RNF207: variants seen among roughly 807,000 people sequenced by gnomAD.
The protein encoded by RNF207 is ring finger protein 207, also known as OTTHUMG00000001089.
RNF207 carries 72 observed loss-of-function variants against 79.0 expected under a neutral mutation model. That is an observed-to-expected ratio of 0.91 (90% CI 0.75 to 1.11). RNF207 has a LOEUF of 1.11. RNF207 is among the 50% of genes least tolerant of loss of function. The pLI, the probability that RNF207 is intolerant of heterozygous loss-of-function variation, is 0.00. For missense variants in RNF207, 936 were observed against 855.8 expected (o/e 1.09, Z -1.17); for synonymous variants, 348 against 366.2 (o/e 0.95, Z 0.57).
intron 14 of RNF207, 94 bp from the exon 15 acceptor site, chr1:6,212,588 G>T: frequency 7.7e-7 from 1 of 1,302,050 alleles, no homozygotes; most frequent in South Asian, 1.2e-5. Flanking sequence ...CCTGGCTGGG[G>T]GGTGCTTTGT....
At chr1:6,213,513 C>T (rs927575770) in intron 16 of RNF207, among the ~76,000 whole-genome samples, 20 of 151,590 alleles carry the variant, frequency 1.3e-4, no homozygotes, top group Non-Finnish European at 2.9e-5. Flanking sequence ...GTGCCACACC[C>T]ACAGGACCCT....
Position 6,208,941 on chromosome 1 carries a change from G to T in RNF207, c.385G>T (p.Asp129Tyr). The change falls in exon 4 of 18, where the codon GAC becomes TAC. Residue 129 changes from aspartate to tyrosine, a missense_variant. Transcript: ENST00000377939. ...CGQPLCARCRDETHRARMFAR... is the reference protein window; with the variant it reads ...CGQPLCARCRYETHRARMFAR... ...ACAGCCCCTATGCGCGCGCTGCCGC[G>T]ACGAGACGCACCGAGCACGCATGTT... 1 of 1,535,084 alleles carries T rather than the reference G, an allele frequency of 6.5e-7. No individual in the cohort carries two copies. The highest frequency in any genetic ancestry group is 1.2e-5 in the South Asian group (1 of 83,950).
At position 6,219,489 on chromosome 1, in the gene RNF207, GT is replaced by G; in HGVS notation, c.*90del. On this transcript the variant is annotated 3_prime_UTR_variant, in exon 18 of 18. Coordinates refer to ENST00000377939, the MANE Select transcript of RNF207 (RefSeq NM_207396.3). Reference sequence around the variant, plus strand: ...TGGACAGAAGGTTGTTCCCATGATGGTTTTTTTTATTTTTTATTTTTGAGAT... The same window carrying G: ...TGGACAGAAGGTTGTTCCCATGATGGTTTTTTTATTTTTTATTTTTGAGAT... 9.4e-6 allele frequency: 10 copies of G among 1,067,896 alleles called. No individual in the cohort carries two copies. The highest frequency in any genetic ancestry group is 2.7e-5 in the Admixed American group (1 of 37,126). The allele number at this position is 1,067,896 out of a possible 1,614,324, so 66.2% of individuals were successfully genotyped here. A position where few individuals can be genotyped will look rare whatever the true frequency, so the allele number is the denominator to read the frequency against.
At position 6,220,114 on chromosome 1, in the gene RNF207, G is replaced by A. The variant is rs1413445755; in HGVS notation, c.*707G>A. 2 of 152,266 alleles carry A rather than the reference G, an allele frequency of 1.3e-5. No homozygotes were observed. Among genetic ancestry groups the A allele is most frequent in the South Asian group, 4.2e-4 (2 of 4,814 alleles). 9.4% of individuals were successfully genotyped at this position (152,266 alleles called of 1,614,324 possible). On this transcript the variant is annotated 3_prime_UTR_variant, in exon 18 of 18. Coordinates refer to ENST00000377939, the MANE Select transcript of RNF207 (RefSeq NM_207396.3). ...TGCCCGGCCGGTTATTTCTTTAAAAGGTAATCATTTGTCAAGAGTAAAACC... is the reference window on the plus strand; with the variant it reads ...TGCCCGGCCGGTTATTTCTTTAAAAAGTAATCATTTGTCAAGAGTAAAACC...
chr1:6,210,982 G>A, intron 11 of RNF207, 39 bp from the exon 12 acceptor site: 1 of 1,598,796 alleles, frequency 6.3e-7, no homozygotes, highest in Non-Finnish European at 8.5e-7. Context: ...GCCCTGCAGG[G>A]CAGTGGAGGC....
At chr1:6,214,872 TCATCTACCCGCCTCGC>T (rs1342630222) in intron 16 of RNF207, among the ~76,000 whole-genome samples, 4 of 151,706 alleles carry the variant, frequency 2.6e-5, no homozygotes. Context: ...CCTGACCTCG[TCATCTACCCGCCTCGC>T]CCTCCCAAAG....
Position 6,206,155 on chromosome 1 carries a change from G to T in RNF207, c.-148G>T. On this transcript the variant is annotated 5_prime_UTR_variant, in exon 1 of 18. Coordinates refer to ENST00000377939, the MANE Select transcript of RNF207 (RefSeq NM_207396.3). The stretch of plus-strand genomic sequence containing the variant: ...CCGCGCAGAGTGGGAACCATCGCCC[G>T]GTGCGGGCCTGAACTTCCAGGGCCG... 5.0e-6 allele frequency: 1 copy of T among 199,022 alleles called. No individual in the cohort carries two copies. The highest frequency in any genetic ancestry group is 1.0e-5 in the Non-Finnish European group (1 of 99,476). 12.3% of individuals were successfully genotyped at this position (199,022 alleles called of 1,614,324 possible).
Position 6,208,987 on chromosome 1 carries a change from C to A in RNF207, c.431C>A (p.Ala144Asp), listed in dbSNP as rs1373049174. 1.3e-6 allele frequency: 2 copies of A among 1,538,410 alleles called. No individual in the cohort carries two copies. The highest frequency in any genetic ancestry group is 2.7e-5 in the African/African-American group (2 of 72,826). Residue 144 changes from alanine (A) to aspartate (D), a missense_variant, in exon 4 of 18, where the codon GCC becomes GAC. Transcript: ENST00000377939. ...ARMFARHDIV[A>D]LGQRSRDVPQ... The stretch of plus-strand genomic sequence containing the variant: ...ATGTTCGCGCGCCACGACATCGTGG[C>A]CCTGGGTCAGCGAAGCCGCGACGTG...
chr1:6,206,339 G>A, intron 1 of RNF207, 37 bp downstream of exon 1: 2 of 575,350 alleles, frequency 3.5e-6, no homozygotes, highest in South Asian at 4.3e-5. Context: ...AGTCCTCACT[G>A]CCTGTTCTCC....
In RNF207 at chr1:6,212,060, G is replaced by A. The variant is rs1050525079; in HGVS notation, c.1296+7G>A. The stretch of plus-strand genomic sequence containing the variant: ...CTATGAGGACTCCTACCGGGTGAGG[G>A]GGCAGGGATCTGCCGGAGGGGGGAG... On this transcript the variant is annotated splice_region_variant and intron_variant, in intron 13 of 17. Coordinates refer to ENST00000377939, the MANE Select transcript of RNF207 (RefSeq NM_207396.3). 3 of 1,590,060 alleles carry A rather than the reference G, an allele frequency of 1.9e-6. No homozygotes were observed. Among genetic ancestry groups the A allele is most frequent in the African/African-American group, 2.8e-5 (2 of 72,528 alleles).
rs759638756 is a variant in RNF207, at chr1:6,212,020, A to G, written c.1263A>G (p.Ala421=). 14 of 1,594,638 alleles carry G rather than the reference A, an allele frequency of 8.8e-6. No individual in the cohort carries two copies. In the East Asian group the frequency reaches 2.3e-4, roughly 26 times the overall value. The change falls in exon 13 of 18, where the codon GCA becomes GCG. Residue 421 remains alanine, a synonymous_variant. Transcript: ENST00000377939. ...CGGAGGGCGAGAACACGCCCTTCGC[A>G]GAGCACTGCCGCCACTATGAGGACT... ...LLAEGENTPF[A]EHCRHYEDSY... is the part of the protein sequence containing the mutation.
rs1668164755 is a variant in RNF207, at chr1:6,211,476, T to C, written c.1109+358T>C. On this transcript the variant is annotated intron_variant, in intron 12 of 17. Coordinates refer to ENST00000377939, the MANE Select transcript of RNF207 (RefSeq NM_207396.3). This position sits in a 1 kb window ranked among gnomAD's most constrained non-coding sequence, Gnocchi z 4.2. The stretch of plus-strand genomic sequence containing the variant: ...TGGCCTGAGGTCATAGGGGGCCTGA[T>C]TCCTGGACTCATCTGGAGAGGAGTT... Among the ~76,000 whole-genome samples the C allele has an allele frequency of 6.6e-6, 1 of 152,112 alleles. No individual in the cohort carries two copies. The highest frequency in any genetic ancestry group is 2.4e-5 in the African/African-American group (1 of 41,422).
rs767603798 is a variant in RNF207 at position 6,207,506 on chromosome 1, G to A, written c.319G>A (p.Glu107Lys). 22 of 1,602,760 alleles carry A rather than the reference G, an allele frequency of 1.4e-5. No homozygotes were observed. The highest frequency in any genetic ancestry group is 6.7e-5 in the East Asian group (3 of 44,536). Residue 107 changes from glutamate (E) to lysine (K), a missense_variant, in exon 3 of 18, where the codon GAG (glutamate) becomes AAG (lysine). By Grantham distance (56) the Glu-to-Lys change is moderately conservative. Transcript: ENST00000377939. The surrounding 1 kb of genome is among the most constrained non-coding windows in gnomAD (Gnocchi z 4.5). ...TGCCAACTGTGACCTGGAGTGCAGC[G>A]AGCAGGCAGGGGCGGCAGGGCGGGT... ...RCANCDLECS[E>K]QDVETTYFCN...
rs897712015 is a variant in RNF207, at chr1:6,217,482, C to T, written c.1653-807C>T. Among the ~76,000 whole-genome samples, 14 of 152,198 alleles carry T rather than the reference C, an allele frequency of 9.2e-5. 1 individual carries two copies. Among genetic ancestry groups the T allele is most frequent in the Admixed American group, 9.2e-4 (14 of 15,278 alleles). On this transcript the variant is annotated intron_variant, in intron 16 of 17. Transcript: ENST00000377939. This position sits in a 1 kb window ranked among gnomAD's most constrained non-coding sequence, Gnocchi z 4.2. ...CTGGGCAGCCCTACCTGGATGTCTA[C>T]AGGCACCGCGAGTTCAGCAGTGGCC...
At chr1:6,212,904 G>A (rs1291263064) in intron 15 of RNF207, 162 bp from the exon 16 acceptor site, 6 of 772,452 alleles carry the variant, frequency 7.8e-6, no homozygotes, top group Admixed American at 3.9e-5. Context: ...TGCATGTGAG[G>A]TCAGGATTCA....
chr1:6,209,574 C>T (rs1174310130), intron 7 of RNF207, 35 bp downstream of exon 7: 2 of 1,433,174 alleles, frequency 1.4e-6, no homozygotes, highest in Non-Finnish European at 1.8e-6. Flanking sequence ...AACGACCCAG[C>T]CGGGACCTGG....
At chr1:6,210,133 A>G (rs376140005) in intron 8 of RNF207, 90 bp from the exon 9 acceptor site, 6 of 1,350,248 alleles carry the variant, frequency 4.4e-6, no homozygotes. Context: ...GGGTTCAGGG[A>G]CGGACATGCG....
At chr1:6,216,562 C>CTTT (rs60430154) in intron 16 of RNF207, among the ~76,000 whole-genome samples, 10 of 139,890 alleles carry the variant, frequency 7.1e-5, no homozygotes, top group African/African-American at 2.7e-4. Flanking sequence ...CCATATTCAT[C>CTTT]TTTTTTTTTT....
In RNF207 at chr1:6,210,751, C is replaced by T. The variant is rs79071675; in HGVS notation, c.943-119C>T. 3,712 of 889,356 alleles carry T rather than the reference C, an allele frequency of 4.2e-3. 89 individuals are homozygous for T. The African/African-American group carries it at 0.052, about 13-fold the overall frequency. 55.1% of individuals were successfully genotyped at this position (889,356 alleles called of 1,614,324 possible). ...CGGGTGAGTCCCAGAAGAGGGCTGG[C>T]GCTGCTAAGGGACACCAAGTCAAGT... is the stretch of plus-strand genomic sequence containing the variant. On this transcript the variant is annotated intron_variant, in intron 10 of 17. Transcript: ENST00000377939.
Sources: allele counts gnomAD v4.1 joint callset (sites outside exome capture counted in the v4.1 genomes callset), GRCh38; gene constraint gnomAD v4.1.1; non-coding constraint Gnocchi (gnomAD v3.1); transcripts MANE v1.5; gene names NCBI Gene and HGNC (gene_info 2026-07-23, HGNC 2026-07-21).